MELK: variants seen among roughly 807,000 people sequenced by gnomAD.
MELK encodes the protein maternal embryonic leucine zipper kinase.
Under a neutral mutation model 85.0 loss-of-function variants are expected in MELK, and 81 were observed. The observed-to-expected ratio is 0.95, with a 90% CI of 0.80 to 1.15. MELK has a LOEUF of 1.15. Among genes scored for constraint, MELK ranks in the 50% most tolerant of loss-of-function variants. The pLI, the probability that MELK is intolerant of heterozygous loss-of-function variation, is 0.00. For synonymous variants in MELK, 252 were observed against 265.0 expected (o/e 0.95, Z 0.48); for missense variants, 754 against 777.5 (o/e 0.97, Z 0.36).
chr9:36,616,387 CTTTTTTTT>C (rs60212848), intron 8 of MELK, among the ~76,000 whole-genome samples: 2 of 114,628 alleles, frequency 1.7e-5, no homozygotes, highest in African/African-American at 6.6e-5. Context: ...ATGTCAAACT[CTTTTTTTT>C]TTTTTTTTTT....
intron 11 of MELK, among the ~76,000 whole-genome samples, chr9:36,644,698 A>C: frequency 6.6e-6 from 1 of 152,226 alleles, no homozygotes; most frequent in East Asian, 1.9e-4. Flanking sequence ...CTTTAATGGA[A>C]GACTATACTT....
chr9:36,609,141 C>A (rs528371006), intron 8 of MELK, among the ~76,000 whole-genome samples: 1 of 152,142 alleles, frequency 6.6e-6, no homozygotes, highest in South Asian at 2.1e-4. Flanking sequence ...TGGAGAGTGA[C>A]TGCCTGTGAG....
chr9:36,632,825 C>T (rs1485429994), intron 9 of MELK, among the ~76,000 whole-genome samples: 1 of 152,212 alleles, frequency 6.6e-6, no homozygotes, highest in African/African-American at 2.4e-5. Context: ...ACTATTACAT[C>T]ATACAATAGA....
At chr9:36,605,970 A>AC (rs1215913366) in intron 7 of MELK, among the ~76,000 whole-genome samples, 1 of 151,668 alleles carries the variant, frequency 6.6e-6, no homozygotes, top group Admixed American at 6.6e-5. Flanking sequence ...AAAAAAAAAA[A>AC]ATTTCCTAAG....
intron 13 of MELK, among the ~76,000 whole-genome samples, chr9:36,664,434 C>T (rs891665230): frequency 2.0e-5 from 3 of 152,074 alleles, no homozygotes; most frequent in Admixed American, 6.5e-5. Context: ...AGGAGTTGTG[C>T]GTGCTTCTAC....
At chr9:36,600,417 T>C (rs1043442665) in intron 7 of MELK, among the ~76,000 whole-genome samples, 1 of 152,056 alleles carries the variant, frequency 6.6e-6, no homozygotes, top group Non-Finnish European at 1.5e-5. Context: ...GGAGTCTCAC[T>C]CTGTTGCCCA....
chr9:36,624,161 G>T (rs1234553597), intron 8 of MELK, among the ~76,000 whole-genome samples: 2 of 147,570 alleles, frequency 1.4e-5, no homozygotes, highest in African/African-American at 5.1e-5. Context: ...TCGGCTCACT[G>T]TAACCTCCAC....
At chr9:36,609,438 T>TTTC (rs1281926829) in intron 8 of MELK, among the ~76,000 whole-genome samples, 2 of 149,782 alleles carry the variant, frequency 1.3e-5, no homozygotes, top group African/African-American at 4.9e-5. Context: ...CTTCACTCTC[T>TTTC]TTCTTCTTCT....
At chr9:36,597,851 G>C (rs1355542007) in intron 6 of MELK, among the ~76,000 whole-genome samples, 1 of 152,170 alleles carries the variant, frequency 6.6e-6, no homozygotes, top group Non-Finnish European at 1.5e-5. Context: ...TTCTCTTTGA[G>C]GTGACTTTGA....
At chr9:36,580,295 G>A (rs1325297646) in intron 1 of MELK, among the ~76,000 whole-genome samples, 1 of 150,530 alleles carries the variant, frequency 6.6e-6, no homozygotes. Context: ...CCCAAAGTGT[G>A]GGGGTTACAG....
chr9:36,624,110 G>T (rs1319015966), intron 8 of MELK, among the ~76,000 whole-genome samples: 2 of 145,174 alleles, frequency 1.4e-5, no homozygotes, highest in Non-Finnish European at 3.0e-5. Context: ...TTGAGATGGA[G>T]TCTCGCTCTG....
At chr9:36,660,677 G>C (rs566326632) in intron 13 of MELK, among the ~76,000 whole-genome samples, 1 of 151,674 alleles carries the variant, frequency 6.6e-6, no homozygotes, top group East Asian at 2.0e-4. Flanking sequence ...TACTGGGCAG[G>C]CTCTGAGTAA....
At chr9:36,612,207 TG>T (rs1826129473) in intron 8 of MELK, among the ~76,000 whole-genome samples, 1 of 151,886 alleles carries the variant, frequency 6.6e-6, no homozygotes, top group South Asian at 2.1e-4. Flanking sequence ...GCGATTCTCT[TG>T]CCTCAGCCTC....
chr9:36,651,970 G>C, intron 12 of MELK, 93 bp downstream of exon 12: 1 of 1,190,880 alleles, frequency 8.4e-7, no homozygotes, highest in Non-Finnish European at 1.1e-6. Context: ...GTGTCAAGGA[G>C]TCAGAGGCAA....
chr9:36,629,845 T>C (rs957578890), intron 8 of MELK, among the ~76,000 whole-genome samples: 1 of 97,650 alleles, frequency 1.0e-5, no homozygotes, highest in Non-Finnish European at 1.9e-5. Flanking sequence ...AAGAAATTGT[T>C]TTTTTTTTTT....
intron 10 of MELK, among the ~76,000 whole-genome samples, chr9:36,639,165 A>G (rs1164309737): frequency 6.6e-6 from 1 of 152,216 alleles, no homozygotes; most frequent in Non-Finnish European, 1.5e-5. Context: ...TAATATGGGT[A>G]TTCTAATGTC....
intron 11 of MELK, among the ~76,000 whole-genome samples, chr9:36,646,078 G>A (rs750521677): frequency 1.3e-5 from 2 of 152,162 alleles, no homozygotes; most frequent in African/African-American, 4.8e-5. Flanking sequence ...GCCATCTAGC[G>A]GGTGGAGGCC....
chr9:36,652,746 A>G (rs1029607432), intron 12 of MELK, among the ~76,000 whole-genome samples: 4 of 151,806 alleles, frequency 2.6e-5, no homozygotes, highest in Admixed American at 6.6e-5. Context: ...AAAAAAAAAA[A>G]AAAGAAAATG....
chr9:36,629,156 C>T (rs767809042), intron 8 of MELK, among the ~76,000 whole-genome samples: 3 of 152,128 alleles, frequency 2.0e-5, no homozygotes, highest in Non-Finnish European at 4.4e-5. Context: ...TGAGCCACCA[C>T]GCCCAGCCTG....
Sources: allele counts gnomAD v4.1 joint callset (sites outside exome capture counted in the v4.1 genomes callset), GRCh38; gene constraint gnomAD v4.1.1; transcripts MANE v1.5; gene names NCBI Gene and HGNC (gene_info 2026-07-23, HGNC 2026-07-21).